BCKDHB: variants seen among roughly 807,000 people sequenced by gnomAD.
BCKDHB encodes 2-oxoisovalerate dehydrogenase subunit beta, mitochondrial.
Under a neutral mutation model 48.5 loss-of-function variants are expected in BCKDHB, and 41 were observed. The ratio of observed to expected loss-of-function variants is 0.85; its 90% CI spans 0.66 to 1.10. The LOEUF (loss-of-function observed/expected upper bound fraction) is 1.10, where lower values mean the gene tolerates loss of function less well. Among genes scored for constraint, BCKDHB ranks in the 50% least tolerant of loss-of-function variants. The pLI is 0.00. For synonymous variants in BCKDHB, 201 were observed against 174.8 expected (o/e 1.15, Z -1.18); for missense variants, 496 against 494.2 (o/e 1.00, Z -0.03).
chr6:80,324,000 C>T (rs1289652364), intron 9 of BCKDHB, among the ~76,000 whole-genome samples: 1 of 152,140 alleles, frequency 6.6e-6, no homozygotes, highest in Non-Finnish European at 1.5e-5. Context: ...TCTCGATCTC[C>T]TGACCTCGTG....
intron 8 of BCKDHB, 118 bp downstream of exon 8, chr6:80,203,330 A>G: frequency 1.3e-6 from 1 of 770,480 alleles, no homozygotes; most frequent in Middle Eastern, 2.6e-4. Context: ...AATTGATTTA[A>G]AACTTTTAAA....
chr6:80,420,862 C>T, the BCKDHB span, among the ~76,000 whole-genome samples: 1,322 of 152,312 alleles, frequency 8.7e-3, 7 homozygotes, highest in Non-Finnish European at 0.013. Context: ...TCATTTTCCC[C>T]TGTGGAAGCA....
In BCKDHB at chr6:80,112,379, C is replaced by T. The variant is rs541298999; in HGVS notation, c.196+5490C>T. ...CCAGACTCCAAACACTGGGGCCAAA[C>T]AGCACCAAAGGAGAACACCACATGC... is the stretch of plus-strand genomic sequence containing the variant. On this transcript the variant is annotated intron_variant, in intron 1 of 9. Coordinates refer to ENST00000320393, the MANE Select transcript of BCKDHB (RefSeq NM_183050.4). Among the ~76,000 whole-genome samples the T allele has an allele frequency of 3.0e-4, 45 of 152,264 alleles. 1 individual carries two copies. The South Asian group carries it at 8.7e-3, about 29-fold the overall frequency.
chr6:80,437,762 C>T, the BCKDHB span, among the ~76,000 whole-genome samples: 1 of 152,148 alleles, frequency 6.6e-6, no homozygotes, highest in Non-Finnish European at 1.5e-5. Context: ...TCCTATGGTG[C>T]ATAAATTTTC....
the BCKDHB span, among the ~76,000 whole-genome samples, chr6:80,373,268 G>T: frequency 6.6e-6 from 1 of 151,924 alleles, no homozygotes; most frequent in African/African-American, 2.4e-5. Context: ...ATTATCTTTT[G>T]TACTTCTGTG....
chr6:80,194,308 G>A (rs945627364), intron 6 of BCKDHB, among the ~76,000 whole-genome samples: 27 of 152,276 alleles, frequency 1.8e-4, no homozygotes, highest in African/African-American at 6.5e-4. Flanking sequence ...GAATTCATAT[G>A]TACCTTTCAC....
At chr6:80,158,412 A>G (rs952724252) in intron 3 of BCKDHB, among the ~76,000 whole-genome samples, 10 of 152,194 alleles carry the variant, frequency 6.6e-5, no homozygotes, top group Non-Finnish European at 1.5e-4. Flanking sequence ...TTTCTAAACA[A>G]TGCTTCTTGG....
intron 8 of BCKDHB, among the ~76,000 whole-genome samples, chr6:80,223,801 T>G (rs1237371393): frequency 6.6e-6 from 1 of 152,130 alleles, no homozygotes; most frequent in African/African-American, 2.4e-5. Flanking sequence ...ATGAGACATG[T>G]TTCGTATGTC....
intron 8 of BCKDHB, among the ~76,000 whole-genome samples, chr6:80,223,527 T>C (rs1775552114): frequency 6.6e-6 from 1 of 152,200 alleles, no homozygotes; most frequent in Admixed American, 6.5e-5. Flanking sequence ...TATTTTTTCT[T>C]TAATTATTTT....
intron 3 of BCKDHB, among the ~76,000 whole-genome samples, chr6:80,147,166 C>G (rs1358078553): frequency 1.3e-5 from 2 of 152,130 alleles, no homozygotes; most frequent in Non-Finnish European, 2.9e-5. Context: ...TAGTTCTATT[C>G]TTATCCCACT....
chr6:80,367,545 A>C, the BCKDHB span, among the ~76,000 whole-genome samples: 2 of 152,218 alleles, frequency 1.3e-5, no homozygotes, highest in Non-Finnish European at 2.9e-5. Context: ...GTATGTCATC[A>C]TTTTCAGTAT....
At chr6:80,448,913 C>T in the BCKDHB span, among the ~76,000 whole-genome samples, 1 of 152,130 alleles carries the variant, frequency 6.6e-6, no homozygotes, top group East Asian at 1.9e-4. Context: ...AACAAACCTG[C>T]ACATGTACCC....
chr6:80,201,370 G>A, intron 7 of BCKDHB, among the ~76,000 whole-genome samples: 1 of 151,996 alleles, frequency 6.6e-6, no homozygotes, highest in South Asian at 2.1e-4. Context: ...ATTTTCCCTA[G>A]TCACTGCTGT....
chr6:80,378,238 TC>T, the BCKDHB span, among the ~76,000 whole-genome samples: 1 of 152,138 alleles, frequency 6.6e-6, no homozygotes, highest in Non-Finnish European at 1.5e-5. Context: ...TCTCCCATGC[TC>T]CCTTCTTTTG....
chr6:80,351,766 C>G, the BCKDHB span, among the ~76,000 whole-genome samples: 1 of 151,328 alleles, frequency 6.6e-6, no homozygotes, highest in Non-Finnish European at 1.5e-5. Flanking sequence ...CCTCAGCCTC[C>G]TGAGTAACTG....
In BCKDHB at chr6:80,304,052, G is replaced by A. The variant is rs1025548975; in HGVS notation, c.1038+30831G>A. ...GGGTTTAGGAAATAGTCTATAATTTGCTGAAGATAAGTCTATGGTAGTAAG... is the reference window on the plus strand; with the variant it reads ...GGGTTTAGGAAATAGTCTATAATTTACTGAAGATAAGTCTATGGTAGTAAG... On this transcript the variant is annotated intron_variant, in intron 9 of 9. Coordinates refer to ENST00000320393, the MANE Select transcript of BCKDHB (RefSeq NM_183050.4). Among the ~76,000 whole-genome samples the A allele has an allele frequency of 2.0e-5, 3 of 152,126 alleles. No individual in the cohort carries two copies. The South Asian group carries it at 6.2e-4, about 31-fold the overall frequency.
At chr6:80,365,799 C>A in the BCKDHB span, among the ~76,000 whole-genome samples, 1 of 152,178 alleles carries the variant, frequency 6.6e-6, no homozygotes, top group Non-Finnish European at 1.5e-5. Context: ...TATTTGGGAA[C>A]TGATAAATGT....
chr6:80,159,019 T>C (rs1772187823), intron 3 of BCKDHB, among the ~76,000 whole-genome samples: 1 of 152,152 alleles, frequency 6.6e-6, no homozygotes, highest in Non-Finnish European at 1.5e-5. Context: ...TAGGTGTGAG[T>C]AAGGGGAACA....
At chr6:80,395,199 T>C in the BCKDHB span, among the ~76,000 whole-genome samples, 1 of 152,126 alleles carries the variant, frequency 6.6e-6, no homozygotes, top group Admixed American at 6.5e-5. Flanking sequence ...AGTTTGGAAC[T>C]GGATAACAGA....
Sources: allele counts gnomAD v4.1 joint callset (sites outside exome capture counted in the v4.1 genomes callset), GRCh38; gene constraint gnomAD v4.1.1; transcripts MANE v1.5; gene names NCBI Gene and HGNC (gene_info 2026-07-23, HGNC 2026-07-21).